The following CAMK2D variants were observed in gnomAD, a reference collection of about 807,000 sequenced individuals.
The protein encoded by CAMK2D is calcium/calmodulin-dependent protein kinase type II subunit delta.
In CAMK2D, 37 loss-of-function variants were observed where a neutral mutation model predicts 84.0. The observed-to-expected ratio is 0.44, with a 90% CI of 0.34 to 0.58. The LOEUF is 0.58. Ranked by LOEUF, CAMK2D falls within the 20% of genes least tolerant of loss-of-function variation. CAMK2D has a pLI of 0.02. For synonymous variants in CAMK2D, 202 were observed against 212.5 expected (o/e 0.95, Z 0.43); for missense variants, 448 against 652.5 (o/e 0.69, Z 3.41).
At chr4:113,699,256 G>A (rs1593215535) in intron 2 of CAMK2D, among the ~76,000 whole-genome samples, 1 of 151,954 alleles carries the variant, frequency 6.6e-6, no homozygotes, top group Admixed American at 6.6e-5. Flanking sequence ...TGGCTACTTT[G>A]GTTTTGTTTA....
intron 17 of CAMK2D, among the ~76,000 whole-genome samples, chr4:113,463,779 T>A (rs1167884965): frequency 6.6e-6 from 1 of 152,198 alleles, no homozygotes; most frequent in Non-Finnish European, 1.5e-5. Context: ...TCCAGGTCGC[T>A]AGAAACTCAA....
chr4:113,730,433 G>A (rs2099563386), intron 2 of CAMK2D, among the ~76,000 whole-genome samples: 1 of 152,098 alleles, frequency 6.6e-6, no homozygotes, highest in Non-Finnish European at 1.5e-5. Flanking sequence ...CTGTATTTTA[G>A]AGATATTTTA....
chr4:113,528,628 A>G (rs1299034650), intron 8 of CAMK2D, among the ~76,000 whole-genome samples: 1 of 152,132 alleles, frequency 6.6e-6, no homozygotes, highest in African/African-American at 2.4e-5. Context: ...CTATCCCTCT[A>G]GTGTTCAAGG....
intron 2 of CAMK2D, among the ~76,000 whole-genome samples, chr4:113,713,867 T>C (rs1157584948): frequency 6.6e-6 from 1 of 151,860 alleles, no homozygotes; most frequent in African/African-American, 2.4e-5. Context: ...TCTTTCTTCA[T>C]GGTAATACAA....
chr4:113,626,413 G>A (rs1464351182), intron 3 of CAMK2D, among the ~76,000 whole-genome samples: 3 of 152,184 alleles, frequency 2.0e-5, no homozygotes, highest in Non-Finnish European at 4.4e-5. Context: ...CATGAATGTT[G>A]TGTACTATTG....
intron 16 of CAMK2D, among the ~76,000 whole-genome samples, chr4:113,488,427 G>A (rs369991948): frequency 2.0e-4 from 31 of 152,234 alleles, no homozygotes; most frequent in South Asian, 2.1e-4. Flanking sequence ...AGACCTTAGC[G>A]ATGACCTTGA....
At chr4:113,742,644 G>C (rs1343351687) in intron 2 of CAMK2D, among the ~76,000 whole-genome samples, 1 of 150,962 alleles carries the variant, frequency 6.6e-6, no homozygotes, top group Non-Finnish European at 1.5e-5. Flanking sequence ...AAAAGAGACA[G>C]ACTTTTTAAA....
intron 2 of CAMK2D, among the ~76,000 whole-genome samples, chr4:113,670,183 G>T (rs368999422): frequency 1.2e-4 from 18 of 152,164 alleles, no homozygotes; most frequent in Admixed American, 1.2e-3. Flanking sequence ...TCTGGAGGCT[G>T]AGGCAGGAGA....
chr4:113,505,312 C>A (rs1309413592), intron 13 of CAMK2D, among the ~76,000 whole-genome samples: 1 of 152,162 alleles, frequency 6.6e-6, no homozygotes, highest in African/African-American at 2.4e-5. Flanking sequence ...CAGTGGAGCT[C>A]CAATCAGGTT....
chr4:113,516,070 T>C (rs1477943771), intron 9 of CAMK2D, among the ~76,000 whole-genome samples: 1 of 152,188 alleles, frequency 6.6e-6, no homozygotes, highest in African/African-American at 2.4e-5. Flanking sequence ...TTCATGAATT[T>C]GTATGGACAA....
intron 17 of CAMK2D, 59 bp downstream of exon 17, chr4:113,465,470 T>G: frequency 1.1e-6 from 1 of 937,032 alleles, no homozygotes; most frequent in Non-Finnish European, 1.7e-6. Context: ...GAATAATGCA[T>G]TCATATAAAA....
chr4:113,639,856 G>A (rs1401739875), intron 3 of CAMK2D, among the ~76,000 whole-genome samples: 2 of 152,060 alleles, frequency 1.3e-5, no homozygotes, highest in African/African-American at 4.8e-5. Context: ...AAATTAGGGA[G>A]CCATGGGAGG....
chr4:113,750,911 T>G (rs944594904), intron 2 of CAMK2D, among the ~76,000 whole-genome samples: 1 of 152,114 alleles, frequency 6.6e-6, no homozygotes, highest in Non-Finnish European at 1.5e-5. Flanking sequence ...TTCCAGCTAC[T>G]CAGGAGGCTG....
chr4:113,677,935 G>A (rs1426595840), intron 2 of CAMK2D, among the ~76,000 whole-genome samples: 1 of 151,916 alleles, frequency 6.6e-6, no homozygotes, highest in Non-Finnish European at 1.5e-5. Flanking sequence ...AAGCTTCAGA[G>A]ATCAAGCGAA....
At chr4:113,491,618 T>G (rs2097845186) in intron 16 of CAMK2D, among the ~76,000 whole-genome samples, 1 of 152,196 alleles carries the variant, frequency 6.6e-6, no homozygotes, top group Admixed American at 6.5e-5. Context: ...TTTTGTTGTG[T>G]CTCTGCCTGG....
chr4:113,636,835 G>A (rs2099111628), intron 3 of CAMK2D, among the ~76,000 whole-genome samples: 1 of 152,112 alleles, frequency 6.6e-6, no homozygotes, highest in Non-Finnish European at 1.5e-5. Context: ...TTCAACATAT[G>A]AATTGGGGAG....
At chr4:113,648,578 GCTTTA>G (rs1162061660) in intron 3 of CAMK2D, among the ~76,000 whole-genome samples, 3 of 152,240 alleles carry the variant, frequency 2.0e-5, no homozygotes, top group Non-Finnish European at 4.4e-5. Context: ...TAAGAAGTGA[GCTTTA>G]CTTTAGTGGA....
intron 4 of CAMK2D, among the ~76,000 whole-genome samples, chr4:113,577,742 G>C (rs1353374992): frequency 7.3e-6 from 1 of 136,838 alleles, no homozygotes; most frequent in Non-Finnish European, 1.6e-5. Context: ...TTTCCTTTGG[G>C]CTCTTCGTAT....
At chr4:113,707,340 A>G (rs1289332701) in intron 2 of CAMK2D, among the ~76,000 whole-genome samples, 1 of 152,186 alleles carries the variant, frequency 6.6e-6, no homozygotes, top group Non-Finnish European at 1.5e-5. Context: ...GATCAAAAGG[A>G]TACAAGGAGT....
Sources: gnomAD v4.1 joint callset for allele counts (sites outside exome capture counted in the v4.1 genomes callset) on GRCh38, gnomAD v4.1.1 for gene constraint, MANE v1.5 for transcripts, NCBI Gene and HGNC (gene_info 2026-07-23, HGNC 2026-07-21) for gene names.